LRIF1: variants seen among roughly 807,000 people sequenced by gnomAD.
LRIF1 encodes the protein ligand-dependent nuclear receptor-interacting factor 1.
A neutral mutation model predicts 52.7 loss-of-function variants in LRIF1; 32 were observed. The ratio of observed to expected loss-of-function variants is 0.61; its 90% confidence interval spans 0.46 to 0.82. The LOEUF (loss-of-function observed/expected upper bound fraction) is 0.82. Ranked by LOEUF, LRIF1 falls within the 40% of genes least tolerant of loss-of-function variation. LRIF1 has a pLI of 0.00. For synonymous variants in LRIF1, 323 were observed against 317.4 expected, an observed-to-expected ratio of 1.02 and a Z score of -0.19; for missense variants, 887 against 892.0, an observed-to-expected ratio of 0.99 and a Z score of 0.07.
chr1:110,951,527 A>G lies in LRIF1; in HGVS notation c.1357T>C (p.Ser453Pro), dbSNP rs186902693. Reference protein sequence around the residue: ...EKNKVEKPSPSTTNPHMNQSS... With the variant: ...EKNKVEKPSPPTTNPHMNQSS... The stretch of plus-strand genomic sequence containing the variant: ...TGGTTCATATGTGGATTTGTGGTAG[A>G]AGGAGATGGTTTCTCCACTTTATTC... The change falls in exon 2 of 4, where the codon TCT becomes CCT. Residue 453 changes from serine (S) to proline (P), a missense_variant. Coordinates refer to ENST00000369763, the MANE Select transcript of LRIF1 (RefSeq NM_018372.4). 89 of 1,614,174 alleles carry G rather than the reference A, an allele frequency of 5.5e-5. No individual in the cohort carries two copies. The highest frequency in any genetic ancestry group is 7.3e-5 in the Non-Finnish European group (86 of 1,180,016).
rs1658530872 is a variant in LRIF1 at position 110,952,582 on chromosome 1, G to A, written c.302C>T (p.Ala101Val). The change falls in exon 2 of 4, where the codon GCC becomes GTC. Residue 101 changes from alanine (A) to valine (V), a missense_variant. Ala to Val is a moderately conservative substitution (Grantham distance 64). Transcript: ENST00000369763. ...ASVQLPIFQP[A>V]SSSNYFLTRT... ...TGTAAGAAAATAGTTTGAAGAACTGGCTGGCTGAAAAATGGGCAATTGAAC... is the reference window on the plus strand; with the variant it reads ...TGTAAGAAAATAGTTTGAAGAACTGACTGGCTGAAAAATGGGCAATTGAAC... The A allele has an allele frequency of 6.2e-7, 1 of 1,613,916 alleles. No individual in the cohort carries two copies. The highest frequency in any genetic ancestry group is 8.5e-7 in the Non-Finnish European group (1 of 1,179,784).
chr1:110,954,652 A>G (rs1196822243), intron 1 of LRIF1, among the ~76,000 whole-genome samples: 1 of 152,200 alleles, frequency 6.6e-6, no homozygotes, highest in Non-Finnish European at 1.5e-5. Flanking sequence ...GGATAAGAAC[A>G]TATTCAATAT....
chr1:110,915,738 G>A, the LRIF1 span, among the ~76,000 whole-genome samples: 1 of 152,128 alleles, frequency 6.6e-6, no homozygotes, highest in Non-Finnish European at 1.5e-5. Context: ...CACAAGGCCA[G>A]TGTTTCTTTT....
At chr1:110,924,736 A>T in the LRIF1 span, among the ~76,000 whole-genome samples, 1 of 152,246 alleles carries the variant, frequency 6.6e-6, no homozygotes, top group Non-Finnish European at 1.5e-5. Context: ...TTAATACCAA[A>T]ACTTAAAAAG....
At chr1:110,957,470 C>CAAAAAAAAAAAAAAA (rs34396800) in intron 1 of LRIF1, among the ~76,000 whole-genome samples, 7 of 42,786 alleles carry the variant, frequency 1.6e-4, no homozygotes, top group East Asian at 9.1e-4. Flanking sequence ...GACTCAGTCT[C>CAAAAAAAAAAAAAAA]AAAAAAAAAA....
At chr1:110,877,048 A>G in the LRIF1 span, among the ~76,000 whole-genome samples, 2 of 152,298 alleles carry the variant, frequency 1.3e-5, no homozygotes, top group South Asian at 4.1e-4. Context: ...TTAACAATCT[A>G]TGTACTTTAT....
At chr1:110,930,496 T>C in the LRIF1 span, among the ~76,000 whole-genome samples, 12 of 152,176 alleles carry the variant, frequency 7.9e-5, no homozygotes, top group Non-Finnish European at 1.6e-4. Flanking sequence ...TTCCTCTGTG[T>C]GCAGGCATGG....
intron 1 of LRIF1, chr1:110,963,386 G>A (rs1004933625): frequency 3.6e-5 from 12 of 332,982 alleles, no homozygotes; most frequent in Non-Finnish European, 6.2e-5. Context: ...TTAAACTTGA[G>A]ACGCTGGGGT....
chr1:110,929,153 T>C, the LRIF1 span, among the ~76,000 whole-genome samples: 3 of 152,230 alleles, frequency 2.0e-5, no homozygotes, highest in African/African-American at 7.2e-5. Flanking sequence ...ATTTGCCTTA[T>C]CCAGTCTGTC....
chr1:110,940,614 T>C, the LRIF1 span: 3 of 152,138 alleles, frequency 2.0e-5, no homozygotes, highest in Non-Finnish European at 4.4e-5. Flanking sequence ...ATAAATAAAA[T>C]GTAGTGCATT....
the LRIF1 span, among the ~76,000 whole-genome samples, chr1:110,885,228 C>T: frequency 6.6e-6 from 1 of 152,176 alleles, no homozygotes; most frequent in African/African-American, 2.4e-5. Context: ...AATACTGTTA[C>T]TATTTTTGTT....
At chr1:110,941,439 G>A in the LRIF1 span, 2 of 151,842 alleles carry the variant, frequency 1.3e-5, no homozygotes, top group East Asian at 1.9e-4. Flanking sequence ...TACAATATAT[G>A]TACTTAGTTG....
the LRIF1 span, chr1:110,892,563 A>G: frequency 6.4e-7 from 1 of 1,568,866 alleles, no homozygotes; most frequent in East Asian, 2.2e-5. Context: ...GTGGTGCCCC[A>G]AGTCGGGGAG....
intron 1 of LRIF1, among the ~76,000 whole-genome samples, chr1:110,956,046 G>C (rs1049866427): frequency 2.6e-5 from 4 of 152,206 alleles, no homozygotes; most frequent in Admixed American, 1.3e-4. Flanking sequence ...TTAGGAGGCT[G>C]AGGTAATTCT....
At chr1:110,898,277 T>TA in the LRIF1 span, among the ~76,000 whole-genome samples, 1 of 148,816 alleles carries the variant, frequency 6.7e-6, no homozygotes, top group Non-Finnish European at 1.5e-5. Context: ...CTTGGGAGGC[T>TA]AAGGTAGGAG....
At chr1:110,896,547 C>G in the LRIF1 span, 1 of 1,010,540 alleles carries the variant, frequency 9.9e-7, no homozygotes, top group Non-Finnish European at 1.5e-6. Context: ...TTCTGGACTT[C>G]TGCTATAGAG....
At position 110,947,854 on chromosome 1, in the gene LRIF1, A is replaced by G; in HGVS notation, c.*105T>C. ...TGTACAATCGACTGATGAAAAAACAAGCTTCATATTCAAAGACACTTTCAG... is the reference window on the plus strand; with the variant it reads ...TGTACAATCGACTGATGAAAAAACAGGCTTCATATTCAAAGACACTTTCAG... On this transcript the variant is annotated 3_prime_UTR_variant, in exon 4 of 4. Transcript: ENST00000369763. 1.4e-6 allele frequency: 2 copies of G among 1,429,604 alleles called. No homozygotes were observed. Among genetic ancestry groups the G allele is most frequent in the Non-Finnish European group, 1.9e-6 (2 of 1,078,568 alleles). 88.6% of individuals were successfully genotyped at this position (1,429,604 alleles called of 1,614,324 possible).
the LRIF1 span, chr1:110,897,860 G>A: frequency 8.1e-6 from 13 of 1,611,490 alleles, no homozygotes; most frequent in Non-Finnish European, 8.5e-6. Flanking sequence ...CCTGTATATC[G>A]GAATCATCAC....
chr1:110,891,395 A>G, the LRIF1 span: 1 of 1,609,854 alleles, frequency 6.2e-7, no homozygotes, highest in Non-Finnish European at 8.5e-7. Context: ...TCCTTAGGGC[A>G]AGAATATCAC....
Sources: allele counts gnomAD v4.1 joint callset (sites outside exome capture counted in the v4.1 genomes callset), GRCh38; gene constraint gnomAD v4.1.1; transcripts MANE v1.5; gene names NCBI Gene and HGNC (gene_info 2026-07-23, HGNC 2026-07-21).